The following ANXA4 variants were observed in gnomAD, a reference collection of about 807,000 sequenced individuals.
The protein encoded by ANXA4 is annexin A4.
ANXA4 carries 39 observed loss-of-function variants against 49.8 expected under a neutral mutation model. The ratio of observed to expected loss-of-function variants is 0.78; its 90% CI spans 0.61 to 1.02. The LOEUF (loss-of-function observed/expected upper bound fraction) is 1.02. Among genes scored for constraint, ANXA4 ranks in the 50% least tolerant of loss-of-function variants. ANXA4 has a pLI of 0.00. For synonymous variants in ANXA4, 134 were observed against 152.5 expected (o/e 0.88, Z 0.89); for missense variants, 360 against 410.1 (o/e 0.88, Z 1.05).
At chr2:69,735,752 G>A (rs1670229010) in intron 3 of ANXA4, among the ~76,000 whole-genome samples, 1 of 152,020 alleles carries the variant, frequency 6.6e-6, no homozygotes. Context: ...AAAATTCAGG[G>A]GTGTGAAACA....
intron 1 of ANXA4, among the ~76,000 whole-genome samples, chr2:69,775,307 A>G (rs1171436423): frequency 6.6e-6 from 1 of 152,172 alleles, no homozygotes; most frequent in Non-Finnish European, 1.5e-5. Flanking sequence ...ATTTTATTTT[A>G]TCTGTTACAG....
chr2:69,723,587 G>A (rs1669877921), intron 3 of ANXA4, among the ~76,000 whole-genome samples: 1 of 152,156 alleles, frequency 6.6e-6, no homozygotes, highest in East Asian at 1.9e-4. Flanking sequence ...CTTTAGTTCT[G>A]CAGTGTGTCT....
intron 1 of ANXA4, among the ~76,000 whole-genome samples, chr2:69,765,379 A>G (rs111303834): frequency 0.011 from 1,655 of 152,264 alleles, 33 homozygotes; most frequent in African/African-American, 0.037. Context: ...CCATATCTTC[A>G]CCAACATTTG....
At chr2:69,716,503 C>G (rs750741369) in intron 2 of ANXA4, among the ~76,000 whole-genome samples, 1 of 151,996 alleles carries the variant, frequency 6.6e-6, no homozygotes, top group Admixed American at 6.6e-5. Context: ...GAGAGACGGG[C>G]GAGAGCCACA....
At chr2:69,744,028 G>T (rs553111056) in intron 1 of ANXA4, among the ~76,000 whole-genome samples, 2 of 152,302 alleles carry the variant, frequency 1.3e-5, no homozygotes, top group South Asian at 4.1e-4. Flanking sequence ...CTCCAAGGGA[G>T]ATAAAGATGA....
upstream of ANXA4, among the ~76,000 whole-genome samples, chr2:69,740,650 T>C (rs1176672096): frequency 6.7e-6 from 1 of 149,420 alleles, no homozygotes; most frequent in Admixed American, 6.7e-5. Context: ...TTCTTTTCTT[T>C]TTTTCTTTCT....
At chr2:69,665,704 A>T (rs1037441279) in intron 2 of ANXA4, among the ~76,000 whole-genome samples, 9 of 152,186 alleles carry the variant, frequency 5.9e-5, no homozygotes, top group African/African-American at 2.2e-4. Context: ...GCTGAATCCA[A>T]AGCTTGTAGA....
chr2:69,683,873 C>T (rs1268218685), intron 2 of ANXA4, among the ~76,000 whole-genome samples: 1 of 152,150 alleles, frequency 6.6e-6, no homozygotes, highest in Admixed American at 6.6e-5. Context: ...TTTCATATCT[C>T]CTAGCTCAGG....
At chr2:69,749,646 A>G (rs1027700400) in intron 1 of ANXA4, among the ~76,000 whole-genome samples, 5 of 152,032 alleles carry the variant, frequency 3.3e-5, no homozygotes, top group Non-Finnish European at 7.4e-5. Flanking sequence ...GTGTATAAAA[A>G]TGATGGAGGC....
chr2:69,693,423 C>T (rs535147608), intron 2 of ANXA4, among the ~76,000 whole-genome samples: 1 of 152,138 alleles, frequency 6.6e-6, no homozygotes, highest in South Asian at 2.1e-4. Flanking sequence ...CATAAGCAGA[C>T]AACTGAGGAG....
At chr2:69,685,017 C>T (rs1303345250) in intron 2 of ANXA4, among the ~76,000 whole-genome samples, 4 of 152,120 alleles carry the variant, frequency 2.6e-5, no homozygotes, top group African/African-American at 9.7e-5. Context: ...CACCAACAAT[C>T]GTCAGGGATA....
At chr2:69,821,374 C>T (rs1674235927) in intron 12 of ANXA4, among the ~76,000 whole-genome samples, 1 of 152,248 alleles carries the variant, frequency 6.6e-6, no homozygotes, top group South Asian at 2.1e-4. Flanking sequence ...GCTAAGGTTG[C>T]CTGCACTGCA....
chr2:69,674,791 T>C (rs1046131973), intron 2 of ANXA4, among the ~76,000 whole-genome samples: 2 of 152,188 alleles, frequency 1.3e-5, no homozygotes, highest in Non-Finnish European at 2.9e-5. Flanking sequence ...ATTATTAACC[T>C]GTGACTTCAA....
At chr2:69,707,274 C>A (rs2105399879) in intron 2 of ANXA4, among the ~76,000 whole-genome samples, 1 of 152,124 alleles carries the variant, frequency 6.6e-6, no homozygotes, top group East Asian at 1.9e-4. Flanking sequence ...ATTTCAGTTT[C>A]TTCTATAGTT....
intron 3 of ANXA4, among the ~76,000 whole-genome samples, chr2:69,722,348 G>A (rs1669836815): frequency 6.6e-6 from 1 of 152,198 alleles, no homozygotes; most frequent in Non-Finnish European, 1.5e-5. Context: ...ATTCGCCATA[G>A]CCAAAAAGTG....
At chr2:69,678,062 C>A (rs1573092490) in intron 2 of ANXA4, among the ~76,000 whole-genome samples, 1 of 152,168 alleles carries the variant, frequency 6.6e-6, no homozygotes, top group East Asian at 1.9e-4. Flanking sequence ...ACTGAGAAAC[C>A]AAAAAAATTT....
intron 1 of ANXA4, among the ~76,000 whole-genome samples, chr2:69,647,679 G>C (rs1676062041): frequency 6.6e-6 from 1 of 151,932 alleles, no homozygotes; most frequent in African/African-American, 2.4e-5. Context: ...AAAATGCTGG[G>C]ATTACAGGCA....
chr2:69,682,646 A>G (rs1162852552), intron 2 of ANXA4, among the ~76,000 whole-genome samples: 3 of 152,212 alleles, frequency 2.0e-5, no homozygotes, highest in African/African-American at 7.2e-5. Flanking sequence ...TTGACTAAGT[A>G]TATGAAAATA....
At chr2:69,700,237 T>G (rs1678288192) in intron 2 of ANXA4, 1 of 152,054 alleles carries the variant, frequency 6.6e-6, no homozygotes, top group African/African-American at 2.4e-5. Flanking sequence ...ATTAAAAATG[T>G]CGGATGTGGT....
Sources: gnomAD v4.1 joint callset for allele counts (sites outside exome capture counted in the v4.1 genomes callset) on GRCh38, gnomAD v4.1.1 for gene constraint, MANE v1.5 for transcripts, NCBI Gene and HGNC (gene_info 2026-07-23, HGNC 2026-07-21) for gene names.